The following PLEKHA1 variants were observed in gnomAD, a reference collection of about 807,000 sequenced individuals.
PLEKHA1 encodes pleckstrin homology domain containing A1, also known as pleckstrin homology domain-containing family A member 1.
PLEKHA1 carries 34 observed loss-of-function variants against 52.0 expected under a neutral mutation model. The ratio of observed to expected loss-of-function variants is 0.65; its 90% CI spans 0.50 to 0.87. PLEKHA1 has a LOEUF of 0.87. Ranked by LOEUF, PLEKHA1 falls within the 40% of genes least tolerant of loss-of-function variation. The probability of loss-of-function intolerance (pLI) is 0.00; values close to 1 mark genes in which losing one functional copy is unlikely to be tolerated. For synonymous variants in PLEKHA1, 163 were observed against 170.7 expected (o/e 0.95, Z 0.35); for missense variants, 497 against 504.2 (o/e 0.99, Z 0.14).
intron 2 of PLEKHA1, among the ~76,000 whole-genome samples, chr10:122,394,068 ACTT>A: frequency 1.1e-5 from 1 of 94,962 alleles, no homozygotes; most frequent in Non-Finnish European, 2.2e-5. Flanking sequence ...AACTTTCTCT[ACTT>A]TTTTTTTTTT....
At chr10:122,439,101 G>A in the PLEKHA1 span, 8 of 152,130 alleles carry the variant, frequency 5.3e-5, no homozygotes, top group Non-Finnish European at 1.2e-4. Flanking sequence ...TAAGAATGGT[G>A]ATTGAATTTT....
intron 1 of PLEKHA1, chr10:122,386,514 T>C (rs1689025695): frequency 6.6e-6 from 1 of 152,240 alleles, no homozygotes; most frequent in Admixed American, 6.5e-5. Context: ...TCAACTATTA[T>C]ATGGTTCAGG....
intron 1 of PLEKHA1, among the ~76,000 whole-genome samples, chr10:122,384,124 A>G (rs973390508): frequency 3.3e-5 from 5 of 152,018 alleles, no homozygotes; most frequent in Non-Finnish European, 7.4e-5. Flanking sequence ...GGCCATTTTT[A>G]TATCTCTCTT....
At chr10:122,407,764 G>GT (rs972779108) in intron 5 of PLEKHA1, among the ~76,000 whole-genome samples, 52 of 151,750 alleles carry the variant, frequency 3.4e-4, no homozygotes, top group South Asian at 1.1e-3. Flanking sequence ...TTTTGTTTTT[G>GT]TTTTTTTTAA....
intron 1 of PLEKHA1, chr10:122,386,700 TTCTC>T (rs898414866): frequency 6.6e-6 from 1 of 152,222 alleles, no homozygotes; most frequent in African/African-American, 2.4e-5. Context: ...AGACTGTCCT[TTCTC>T]TACAAAATTG....
At chr10:122,379,800 C>T (rs1449042869) in intron 1 of PLEKHA1, among the ~76,000 whole-genome samples, 1 of 152,198 alleles carries the variant, frequency 6.6e-6, no homozygotes, top group Non-Finnish European at 1.5e-5. Flanking sequence ...TCTTGTGGGC[C>T]TGTTGAGGTC....
Position 122,429,812 on chromosome 10 carries a change from A to G in PLEKHA1, c.1089A>G (p.Pro363=), listed in dbSNP as rs746420780. The change falls in exon 12 of 12, where the codon CCA becomes CCG. Residue 363 remains proline, a synonymous_variant. Coordinates refer to ENST00000368990, the MANE Select transcript of PLEKHA1 (RefSeq NM_001001974.4). The part of the protein sequence containing the change: ...PGNFKVQTVS[P]REPASKVTEQ... ...ACTTCAAGGTCCAGACTGTCTCTCC[A>G]AGAGAACCAGCTTCCAAAGTGACTG... 1 of 1,614,190 alleles carries G rather than the reference A, an allele frequency of 6.2e-7. No homozygotes were observed. Among genetic ancestry groups the G allele is most frequent in the South Asian group, 1.1e-5 (1 of 91,080 alleles).
At chr10:122,385,908 TG>T (rs2096688543) in intron 1 of PLEKHA1, among the ~76,000 whole-genome samples, 1 of 152,252 alleles carries the variant, frequency 6.6e-6, no homozygotes, top group Admixed American at 6.5e-5. Flanking sequence ...GGGTTGTTCG[TG>T]TTTTTTTGCC....
intron 1 of PLEKHA1, among the ~76,000 whole-genome samples, chr10:122,381,109 A>G (rs2096608598): frequency 6.6e-6 from 1 of 152,192 alleles, no homozygotes. Flanking sequence ...TTGAGTGAAC[A>G]CTTGAATAAA....
intron 5 of PLEKHA1, among the ~76,000 whole-genome samples, chr10:122,407,442 T>G (rs2134492696): frequency 6.6e-6 from 1 of 152,328 alleles, no homozygotes; most frequent in Middle Eastern, 3.4e-3. Flanking sequence ...TCTACCAGTG[T>G]TATAGCTGGT....
At chr10:122,410,598 A>G (rs1472093219) in intron 5 of PLEKHA1, among the ~76,000 whole-genome samples, 1 of 152,198 alleles carries the variant, frequency 6.6e-6, no homozygotes, top group Non-Finnish European at 1.5e-5. Context: ...TAAGATGATT[A>G]CAAGTTAGAT....
chr10:122,396,861 T>A (rs2096856331), intron 2 of PLEKHA1, among the ~76,000 whole-genome samples: 1 of 152,112 alleles, frequency 6.6e-6, no homozygotes, highest in Non-Finnish European at 1.5e-5. Flanking sequence ...TTTGTCTGGT[T>A]TTCCTACCTC....
At chr10:122,441,049 A>G in the PLEKHA1 span, 2 of 152,328 alleles carry the variant, frequency 1.3e-5, no homozygotes, top group African/African-American at 4.8e-5. Flanking sequence ...AACAATGTCA[A>G]CATTACTGAG....
intron 1 of PLEKHA1, among the ~76,000 whole-genome samples, chr10:122,378,115 G>T (rs1029138396): frequency 6.6e-6 from 1 of 152,106 alleles, no homozygotes; most frequent in Non-Finnish European, 1.5e-5. Flanking sequence ...TTAACCTCTT[G>T]AAGGAAAAGA....
chr10:122,434,778 C>T (rs1405962572), downstream of PLEKHA1: 5 of 125,472 alleles, frequency 4.0e-5, no homozygotes, highest in East Asian at 1.2e-3. Flanking sequence ...TCCATGTGTT[C>T]TCATTGTTCA....
intron 1 of PLEKHA1, chr10:122,375,066 G>C (rs1180173483): frequency 3.3e-5 from 5 of 151,916 alleles, no homozygotes; most frequent in African/African-American, 4.8e-5. Context: ...GCAGCGGGAG[G>C]GGGCGGCGTC....
chr10:122,428,507 G>A lies in PLEKHA1; in HGVS notation c.901-1117G>A, dbSNP rs184589753. On this transcript the variant is annotated intron_variant, in intron 11 of 11. Coordinates refer to ENST00000368990, the MANE Select transcript of PLEKHA1 (RefSeq NM_001001974.4). Reference sequence around the variant, plus strand: ...ACTGTTTCACTGTAGTCATCAGGTTGGATATGTGTATTTAAAAATAAAAAA... The same window carrying A: ...ACTGTTTCACTGTAGTCATCAGGTTAGATATGTGTATTTAAAAATAAAAAA... 9.0e-4 allele frequency: 1,029 copies of A among 1,144,520 alleles called. 4 individuals carry two copies. The Middle Eastern group carries it at 0.011, about 12-fold the overall frequency. The allele number at this position is 1,144,520 out of a possible 1,614,324, so 70.9% of individuals were successfully genotyped here. A position where few individuals can be genotyped will look rare whatever the true frequency, so the allele number is the denominator to read the frequency against.
intron 3 of PLEKHA1, among the ~76,000 whole-genome samples, chr10:122,399,321 G>A (rs1184837405): frequency 1.3e-5 from 2 of 152,078 alleles, no homozygotes; most frequent in Non-Finnish European, 2.9e-5. Flanking sequence ...CTGGACAACA[G>A]CATGGCAATA....
At position 122,393,339 on chromosome 10, in the gene PLEKHA1, C is replaced by G; in HGVS notation, c.139C>G (p.Gln47Glu). The change falls in exon 2 of 12, where the codon CAG becomes GAG. Residue 47 changes from glutamine to glutamate, a missense_variant and splice_region_variant. Gln to Glu is a conservative substitution (Grantham distance 29). Coordinates refer to ENST00000368990, the MANE Select transcript of PLEKHA1 (RefSeq NM_001001974.4). The surrounding 1 kb of genome is among the most constrained non-coding windows in gnomAD (Gnocchi z 4.5). ...DSFVWYMDNP[Q>E]NLPSGSSRVG... Reference sequence around the variant, plus strand: ...TTTCGTGTGGTACATGGATAATCCACAGGTTTGTAAAATCCCAAGGATTAT... The same window carrying G: ...TTTCGTGTGGTACATGGATAATCCAGAGGTTTGTAAAATCCCAAGGATTAT... 1 of 1,597,214 alleles carries G rather than the reference C, an allele frequency of 6.3e-7. No individual in the cohort carries two copies. Among genetic ancestry groups the G allele is most frequent in the Non-Finnish European group, 8.5e-7 (1 of 1,173,394 alleles).
Sources: gnomAD v4.1 joint callset for allele counts (sites outside exome capture counted in the v4.1 genomes callset) on GRCh38, gnomAD v4.1.1 for gene constraint, Gnocchi (gnomAD v3.1) non-coding constraint, MANE v1.5 for transcripts, NCBI Gene and HGNC (gene_info 2026-07-23, HGNC 2026-07-21) for gene names.